LRP1B: variants seen among roughly 807,000 people sequenced by gnomAD.
LRP1B encodes low-density lipoprotein receptor-related protein 1B.
In LRP1B, 217 loss-of-function variants were observed where a neutral mutation model predicts 556.6. The observed-to-expected ratio is 0.39, with a 90% CI of 0.35 to 0.44. The LOEUF is 0.44. Among genes scored for constraint, LRP1B ranks in the 20% least tolerant of loss-of-function variants. LRP1B has a pLI of 1.00. For missense variants in LRP1B, 5,053 were observed against 5,620.8 expected (o/e 0.90, Z 3.23); for synonymous variants, 2,047 against 1,865.8 (o/e 1.10, Z -2.50).
intron 41 of LRP1B, among the ~76,000 whole-genome samples, chr2:140,686,798 G>A (rs988361509): frequency 1.1e-4 from 16 of 151,990 alleles, no homozygotes; most frequent in African/African-American, 3.6e-4. Flanking sequence ...CCATCGATAG[G>A]AAGGAAGTTT....
intron 77 of LRP1B, among the ~76,000 whole-genome samples, chr2:140,336,897 T>C (rs1182693046): frequency 6.6e-6 from 1 of 151,826 alleles, no homozygotes; most frequent in Admixed American, 6.6e-5. Context: ...GAGAAGGTAT[T>C]CCCAGGGGTA....
intron 4 of LRP1B, among the ~76,000 whole-genome samples, chr2:141,248,563 G>A (rs1684151137): frequency 6.6e-6 from 1 of 152,120 alleles, no homozygotes; most frequent in Non-Finnish European, 1.5e-5. Context: ...ATGGCATCAT[G>A]GGGATTTCAA....
chr2:141,920,278 T>G (rs1401697690), intron 1 of LRP1B, among the ~76,000 whole-genome samples: 12 of 104,806 alleles, frequency 1.1e-4, no homozygotes, highest in East Asian at 3.3e-4. Context: ...TTCTTTTTTT[T>G]TGGGGGGGGG....
chr2:141,242,413 G>A (rs1226091248), intron 5 of LRP1B, among the ~76,000 whole-genome samples: 1 of 152,060 alleles, frequency 6.6e-6, no homozygotes, highest in African/African-American at 2.4e-5. Context: ...AATCATAGCA[G>A]AGGAAACAGC....
chr2:141,002,263 TTG>T (rs1471601938), intron 15 of LRP1B, among the ~76,000 whole-genome samples: 1 of 152,056 alleles, frequency 6.6e-6, no homozygotes, highest in Non-Finnish European at 1.5e-5. Flanking sequence ...AAATTCATAT[TTG>T]TGTTCTGAAG....
chr2:140,735,845 T>C (rs1346950631), intron 35 of LRP1B, among the ~76,000 whole-genome samples: 1 of 152,100 alleles, frequency 6.6e-6, no homozygotes, highest in African/African-American at 2.4e-5. Flanking sequence ...ATAGAGATTA[T>C]ATACCAATGC....
chr2:140,602,189 A>G (rs1682699683), intron 41 of LRP1B, among the ~76,000 whole-genome samples: 1 of 139,628 alleles, frequency 7.2e-6, no homozygotes, highest in African/African-American at 2.7e-5. Flanking sequence ...ATTTGCTTCT[A>G]TCCAACTAAT....
intron 62 of LRP1B, among the ~76,000 whole-genome samples, chr2:140,453,018 T>G (rs1368780152): frequency 6.7e-6 from 1 of 149,818 alleles, no homozygotes; most frequent in African/African-American, 2.5e-5. Flanking sequence ...TTATAGATAG[T>G]GACTGTCTGG....
At chr2:140,439,224 T>G (rs903159157) in intron 66 of LRP1B, among the ~76,000 whole-genome samples, 10 of 152,158 alleles carry the variant, frequency 6.6e-5, no homozygotes, top group Non-Finnish European at 1.3e-4. Context: ...CTGCTACAAT[T>G]GGGATATTCT....
intron 21 of LRP1B, among the ~76,000 whole-genome samples, chr2:140,921,687 A>G (rs1694740900): frequency 6.6e-6 from 1 of 152,000 alleles, no homozygotes; most frequent in Non-Finnish European, 1.5e-5. Context: ...TGTGAAAAAT[A>G]TTGTTGGAAA....
At chr2:141,971,074 CT>C (rs1388671000) in intron 1 of LRP1B, among the ~76,000 whole-genome samples, 1 of 151,442 alleles carries the variant, frequency 6.6e-6, no homozygotes, top group Admixed American at 6.6e-5. Flanking sequence ...AGAGAAGAGC[CT>C]AAGTTCCTGA....
At chr2:142,024,442 A>G (rs1310152564) in intron 1 of LRP1B, among the ~76,000 whole-genome samples, 1 of 152,134 alleles carries the variant, frequency 6.6e-6, no homozygotes, top group East Asian at 1.9e-4. Flanking sequence ...TTCCCTAAAA[A>G]ATGATGGTTC....
chr2:141,216,227 C>T (rs1056327137), intron 6 of LRP1B, among the ~76,000 whole-genome samples: 2 of 152,212 alleles, frequency 1.3e-5, no homozygotes, highest in African/African-American at 2.4e-5. Flanking sequence ...CCGCCACTTT[C>T]GTCCAGATAC....
At chr2:141,554,846 G>C (rs999880869) in intron 2 of LRP1B, among the ~76,000 whole-genome samples, 1 of 151,966 alleles carries the variant, frequency 6.6e-6, no homozygotes, top group African/African-American at 2.4e-5. Context: ...CACTGTGCTT[G>C]TTAGGAATGC....
rs143392914 is a variant in LRP1B, at chr2:141,587,044, C to T, written c.206-106511G>A. On this transcript the variant is annotated intron_variant, in intron 2 of 90. Transcript: ENST00000389484. Reference sequence around the variant, plus strand: ...ACATTATCCATTTGCAAAAATGGCACGTAAACAAACTGACTCTGCAACATA... The same window carrying T: ...ACATTATCCATTTGCAAAAATGGCATGTAAACAAACTGACTCTGCAACATA... Among the ~76,000 whole-genome samples, 558 of 151,284 alleles carry T rather than the reference C, an allele frequency of 3.7e-3. 2 individuals carry two copies. The highest frequency in any genetic ancestry group is 0.014 in the Middle Eastern group (4 of 284).
chr2:140,990,279 A>T (rs941358668), intron 16 of LRP1B, among the ~76,000 whole-genome samples: 27 of 152,222 alleles, frequency 1.8e-4, no homozygotes, highest in Non-Finnish European at 3.2e-4. Context: ...TCACTTAAAA[A>T]TTTTTTACCA....
intron 2 of LRP1B, among the ~76,000 whole-genome samples, chr2:141,510,232 A>ACCC (rs1341873506): frequency 2.0e-5 from 3 of 149,348 alleles, no homozygotes; most frequent in African/African-American, 7.5e-5. Context: ...ACACACACAC[A>ACCC]CACCCCCCAC....
intron 17 of LRP1B, among the ~76,000 whole-genome samples, chr2:140,983,284 A>G (rs1292720153): frequency 6.6e-6 from 1 of 151,974 alleles, no homozygotes; most frequent in East Asian, 1.9e-4. Flanking sequence ...ATATATTGGG[A>G]AAGGGATACT....
At chr2:141,816,111 G>C (rs943081993) in intron 1 of LRP1B, among the ~76,000 whole-genome samples, 9 of 151,958 alleles carry the variant, frequency 5.9e-5, no homozygotes, top group African/African-American at 1.9e-4. Flanking sequence ...CTATAGGGAG[G>C]GATAGATACA....
Sources: gnomAD v4.1 joint callset for allele counts (sites outside exome capture counted in the v4.1 genomes callset) on GRCh38, gnomAD v4.1.1 for gene constraint, MANE v1.5 for transcripts, NCBI Gene and HGNC (gene_info 2026-07-23, HGNC 2026-07-21) for gene names.